PADI2: variants seen among roughly 807,000 people sequenced by gnomAD.
The protein encoded by PADI2 is protein-arginine deiminase type-2.
PADI2 carries 70 observed loss-of-function variants against 81.1 expected under a neutral mutation model. That is an observed-to-expected ratio of 0.86 (90% CI 0.71 to 1.05). PADI2 has a LOEUF of 1.05. Ranked by LOEUF, PADI2 falls within the 50% of genes least tolerant of loss-of-function variation. The probability of loss-of-function intolerance (pLI) is 0.00; values close to 1 mark genes in which losing one functional copy is unlikely to be tolerated. For synonymous variants in PADI2, 338 were observed against 358.0 expected, an observed-to-expected ratio of 0.94 and a Z score of 0.63; for missense variants, 853 against 889.9, an observed-to-expected ratio of 0.96 and a Z score of 0.53.
At position 17,079,298 on chromosome 1, in the gene PADI2, G is replaced by A. The variant is rs773955364; in HGVS notation, c.1276C>T (p.Leu426Phe). ...PVTVNGKTYP[L>F]GRILIGSSFP... ...CTGCTCCCGATGAGGATGCGGCCAAGCGGGTATGTCTTGCCGTTCACGGTC... is the reference window on the plus strand; with the variant it reads ...CTGCTCCCGATGAGGATGCGGCCAAACGGGTATGTCTTGCCGTTCACGGTC... Residue 426 changes from leucine (L) to phenylalanine (F), a missense_variant, in exon 11 of 16, where the codon CTT becomes TTT. By Grantham distance (22) the Leu-to-Phe change is conservative (BLOSUM62 0). Transcript: ENST00000375486. 1.2e-6 allele frequency: 2 copies of A among 1,614,134 alleles called. No individual in the cohort carries two copies. Among genetic ancestry groups the A allele is most frequent in the Non-Finnish European group, 8.5e-7 (1 of 1,179,982 alleles).
intron 11 of PADI2, among the ~76,000 whole-genome samples, chr1:17,078,357 C>T (rs35210292): frequency 0.56 from 84,227 of 151,638 alleles, 23,589 homozygotes; most frequent in Non-Finnish European, 0.59. Context: ...GTGATCCACC[C>T]GCCTCGGCCT....
At chr1:17,078,272 C>A (rs571976903) in intron 11 of PADI2, among the ~76,000 whole-genome samples, 38 of 151,830 alleles carry the variant, frequency 2.5e-4, no homozygotes, top group Non-Finnish European at 4.6e-4. Flanking sequence ...CCACCACGCC[C>A]GGCTAATTTT....
At chr1:17,086,785 AAAGT>A (rs1330708438) in intron 6 of PADI2, 86 bp from the exon 7 acceptor site, 2 of 1,124,936 alleles carry the variant, frequency 1.8e-6, no homozygotes, top group African/African-American at 1.6e-5. Context: ...ACAAAAGGGC[AAAGT>A]AACTTGTCCT....
chr1:17,074,551 C>T (rs1311387888), intron 13 of PADI2, among the ~76,000 whole-genome samples: 1 of 152,164 alleles, frequency 6.6e-6, no homozygotes, highest in Admixed American at 6.5e-5. Flanking sequence ...CAGTTTTCAA[C>T]CATTTAACCC....
At position 17,068,211 on chromosome 1, in the gene PADI2, C is replaced by G. The variant is rs1277088752; in HGVS notation, c.*833G>C. The G allele has an allele frequency of 6.5e-6, 1 of 152,890 alleles. No individual in the cohort carries two copies. The highest frequency in any genetic ancestry group is 1.5e-5 in the Non-Finnish European group (1 of 68,240). 9.5% of individuals were successfully genotyped at this position (152,890 alleles called of 1,614,324 possible). A position where few individuals can be genotyped will look rare whatever the true frequency, so the allele number is the denominator to read the frequency against. ...GTCAAGGCAGTGGAAGGAGGAAGGT[C>G]AGGGAGCGGCCAGAGAATCAAGGAC... On this transcript the variant is annotated 3_prime_UTR_variant, in exon 16 of 16. Transcript: ENST00000375486.
rs1345561633 is a variant in PADI2 at position 17,070,128 on chromosome 1, A to G, written c.1724T>C (p.Met575Thr). 1 of 1,613,968 alleles carries G rather than the reference A, an allele frequency of 6.2e-7. No homozygotes were observed. Among genetic ancestry groups the G allele is most frequent in the African/African-American group, 1.3e-5 (1 of 74,918 alleles). The part of the protein sequence containing the change: ...DIIDLPALFK[M>T]DEDHRARAFF... ...GGCTCTGGCACGGTGGTCCTCGTCC[A>G]TCTTGAACAGAGCGGGCAGGTCAAT... is the stretch of plus-strand genomic sequence containing the variant. The change falls in exon 15 of 16, where the codon ATG (methionine) becomes ACG (threonine). Residue 575 changes from methionine to threonine, a missense_variant. Met to Thr is a moderately conservative substitution (Grantham distance 81). Transcript: ENST00000375486.
chr1:17,118,453 G>A (rs908509481), intron 1 of PADI2, among the ~76,000 whole-genome samples: 11 of 152,138 alleles, frequency 7.2e-5, no homozygotes, highest in Non-Finnish European at 1.5e-5. Flanking sequence ...CAGGGAGACA[G>A]ATCATTGGAC....
At position 17,066,993 on chromosome 1, in the gene PADI2, G is replaced by A. The variant is rs1268613493; in HGVS notation, c.*2051C>T. 1 of 151,986 alleles carries A rather than the reference G, an allele frequency of 6.6e-6. No homozygotes were observed. Among genetic ancestry groups the A allele is most frequent in the African/African-American group, 2.4e-5 (1 of 41,358 alleles). The allele number at this position is 151,986 out of a possible 1,614,324, so 9.4% of individuals were successfully genotyped here. A position where few individuals can be genotyped will look rare whatever the true frequency, so the allele number is the denominator to read the frequency against. ...TTCTAGGCCTACATTTATAGAAAGT[G>A]GGGGTGGGGAAGAGCCATGAGTCCA... On this transcript the variant is annotated 3_prime_UTR_variant, in exon 16 of 16. Transcript: ENST00000375486.
chr1:17,071,641 C>A, intron 13 of PADI2, 150 bp from the exon 14 acceptor site: 1 of 638,576 alleles, frequency 1.6e-6, no homozygotes, highest in Non-Finnish European at 2.8e-6. Flanking sequence ...GGAGGGCACT[C>A]CCAGGCAAAA....
chr1:17,083,331 C>A, intron 9 of PADI2: 1 of 194,124 alleles, frequency 5.2e-6, no homozygotes, highest in Non-Finnish European at 1.1e-5. Flanking sequence ...GGTGACAGAG[C>A]GAGACCTCGT....
At chr1:17,083,177 C>A (rs2078358894) in intron 9 of PADI2, 1 of 156,822 alleles carries the variant, frequency 6.4e-6, no homozygotes, top group Non-Finnish European at 1.4e-5. Context: ...GTGGCCTAGA[C>A]CTCATTTTAA....
intron 1 of PADI2, among the ~76,000 whole-genome samples, chr1:17,105,428 T>C (rs192781286): frequency 6.6e-6 from 1 of 152,040 alleles, no homozygotes; most frequent in East Asian, 2.0e-4. Flanking sequence ...AGAGTTTCAC[T>C]CTTGTTGCCC....
chr1:17,070,032 G>A (rs2078253774), intron 15 of PADI2, 56 bp downstream of exon 15: 2 of 1,570,472 alleles, frequency 1.3e-6, no homozygotes, highest in Admixed American at 1.8e-5. Context: ...GGGTCCTTCT[G>A]GATCTGGCTG....
chr1:17,082,619 G>A lies in PADI2; in HGVS notation c.1084C>T (p.His362Tyr). The part of the protein sequence containing the change: ...EIEFGYIEAP[H>Y]KGFPVVLDSP... ...TCCAGCACCACGGGGAAGCCTTTAT[G>A]GGGGGCCTCGATGTAGCCAAACTCA... The change falls in exon 10 of 16, where the codon CAT (histidine) becomes TAT (tyrosine). Residue 362 changes from histidine (H) to tyrosine (Y), a missense_variant. His to Tyr is a moderately conservative substitution (Grantham distance 83). Coordinates refer to ENST00000375486, the MANE Select transcript of PADI2 (RefSeq NM_007365.3). 6.2e-7 allele frequency: 1 copy of A among 1,610,492 alleles called. No homozygotes were observed. Among genetic ancestry groups the A allele is most frequent in the Non-Finnish European group, 8.5e-7 (1 of 1,178,458 alleles).
At position 17,069,955 on chromosome 1, in the gene PADI2, G is replaced by A. The variant is rs2078253341; in HGVS notation, c.1764+133C>T. 1.7e-5 allele frequency: 17 copies of A among 997,600 alleles called. No homozygotes were observed. In the South Asian group the frequency reaches 2.9e-4, roughly 17 times the overall value. 61.8% of individuals were successfully genotyped at this position (997,600 alleles called of 1,614,324 possible). On this transcript the variant is annotated intron_variant, in intron 15 of 15. Transcript: ENST00000375486. ...GGCCCAGAGAGGGCAAGTGCCTGAG[G>A]TGAGGTCACACAGCAGCTCAGCCAG...
At chr1:17,109,079 G>A (rs1166244976) in intron 1 of PADI2, among the ~76,000 whole-genome samples, 2 of 152,198 alleles carry the variant, frequency 1.3e-5, no homozygotes, top group South Asian at 2.1e-4. Context: ...GGGGTGAGGA[G>A]GAAGGCTCTG....
chr1:17,088,062 T>C (rs1400240966), intron 6 of PADI2, among the ~76,000 whole-genome samples: 2 of 151,858 alleles, frequency 1.3e-5, no homozygotes, highest in African/African-American at 2.4e-5. Context: ...CAGCTGATGA[T>C]AAGATGGAGC....
chr1:17,074,737 A>C (rs2078288825), intron 13 of PADI2, 119 bp downstream of exon 13: 2 of 619,274 alleles, frequency 3.2e-6, no homozygotes, highest in East Asian at 5.6e-5. Flanking sequence ...ATCGGGCCAG[A>C]CACCCAGGGA....
chr1:17,103,207 C>T, intron 2 of PADI2, 148 bp from the exon 3 acceptor site: 2 of 643,976 alleles, frequency 3.1e-6, no homozygotes, highest in Non-Finnish European at 5.6e-6. Context: ...CCAGGAAGAA[C>T]TCCTGGGTTG....
Sources: gnomAD v4.1 joint callset for allele counts (sites outside exome capture counted in the v4.1 genomes callset) on GRCh38, gnomAD v4.1.1 for gene constraint, MANE v1.5 for transcripts, NCBI Gene and HGNC (gene_info 2026-07-23, HGNC 2026-07-21) for gene names.